ANKHD1: variants seen among roughly 807,000 people sequenced by gnomAD.
ANKHD1 encodes the protein ankyrin repeat and KH domain-containing protein 1.
In ANKHD1, 31 loss-of-function variants were observed where a neutral mutation model predicts 230.5. The ratio of observed to expected loss-of-function variants is 0.13; its 90% confidence interval spans 0.10 to 0.18. The LOEUF (loss-of-function observed/expected upper bound fraction) is 0.18. Ranked by LOEUF, ANKHD1 falls within the 10% of genes least tolerant of loss-of-function variation. The pLI, the probability that ANKHD1 is intolerant of heterozygous loss-of-function variation, is 1.00. For synonymous variants in ANKHD1, 1,074 were observed against 1,117.6 expected (o/e 0.96, Z 0.78); for missense variants, 2,256 against 3,071.3 (o/e 0.73, Z 6.27).
Position 140,506,840 on chromosome 5 carries a change from A to G in ANKHD1, c.3414A>G (p.Val1138=). The change falls in exon 19 of 34, where the codon GTA becomes GTG. Residue 1138 remains valine (V), a synonymous_variant. Coordinates refer to ENST00000360839, the MANE Select transcript of ANKHD1 (RefSeq NM_017747.3). The surrounding 1 kb of genome is among the most constrained non-coding windows in gnomAD (Gnocchi z 4.7). ...LACSGGRQEV[V]DLLLARGANK... Reference sequence around the variant, plus strand: ...ATCCATATTTTACTTTGTAGGTGGTAGACTTGCTGCTGGCTCGAGGTGCAA... The same window carrying G: ...ATCCATATTTTACTTTGTAGGTGGTGGACTTGCTGCTGGCTCGAGGTGCAA... 2 of 1,614,080 alleles carry G rather than the reference A, an allele frequency of 1.2e-6. No homozygotes were observed. The highest frequency in any genetic ancestry group is 1.7e-6 in the Non-Finnish European group (2 of 1,179,996).
intron 7 of ANKHD1, among the ~76,000 whole-genome samples, chr5:140,456,163 G>A (rs62385230): frequency 6.6e-6 from 1 of 152,044 alleles, no homozygotes; most frequent in Admixed American, 6.6e-5. Flanking sequence ...GGGATGTAAA[G>A]GACCTCTTCA....
intron 10 of ANKHD1, among the ~76,000 whole-genome samples, chr5:140,479,467 G>C (rs1751147698): frequency 6.6e-6 from 1 of 152,038 alleles, no homozygotes; most frequent in African/African-American, 2.4e-5. Context: ...TGAACAAATA[G>C]TGGCTATATG....
At chr5:140,465,913 AGTC>A (rs1157911303) in intron 10 of ANKHD1, among the ~76,000 whole-genome samples, 1 of 152,090 alleles carries the variant, frequency 6.6e-6, no homozygotes, top group Non-Finnish European at 1.5e-5. Context: ...AGTTGCTTTG[AGTC>A]GTCTATAAAA....
intron 5 of ANKHD1, 85 bp from the exon 6 acceptor site, chr5:140,445,657 A>T: frequency 4.1e-6 from 5 of 1,209,260 alleles, no homozygotes; most frequent in Non-Finnish European, 4.3e-6. Context: ...TCATGATTGT[A>T]TATTTCTTTT....
chr5:140,416,685 A>G (rs775441134), intron 1 of ANKHD1, among the ~76,000 whole-genome samples: 1 of 151,958 alleles, frequency 6.6e-6, no homozygotes, highest in Non-Finnish European at 1.5e-5. Context: ...AGGTCTTACT[A>G]TGTTGTCCAG....
At position 140,497,133 on chromosome 5, in the gene ANKHD1, A is replaced by G; in HGVS notation, c.2859A>G (p.Lys953=). The G allele has an allele frequency of 6.2e-7, 1 of 1,614,166 alleles. No homozygotes were observed. The highest frequency in any genetic ancestry group is 8.5e-7 in the Non-Finnish European group (1 of 1,180,038). Residue 953 remains lysine, a synonymous_variant, in exon 15 of 34, where the codon AAA becomes AAG. Coordinates refer to ENST00000360839, the MANE Select transcript of ANKHD1 (RefSeq NM_017747.3). ...GGACAAATTCTCTTGAACTTCAGAAAGTATCAGGTAATCAGCAGATTGTAG... is the reference window on the plus strand; with the variant it reads ...GGACAAATTCTCTTGAACTTCAGAAGGTATCAGGTAATCAGCAGATTGTAG... ...SNGTNSLELQ[K]VSGNQQIVGQ...
intron 1 of ANKHD1, among the ~76,000 whole-genome samples, chr5:140,427,564 C>T (rs1313109037): frequency 7.0e-6 from 1 of 143,742 alleles, no homozygotes; most frequent in Non-Finnish European, 1.5e-5. Context: ...CCCCCCACCT[C>T]CCTTGCGGAC....
rs1196465769 is a variant in ANKHD1 at position 140,487,037 on chromosome 5, C to T, written c.2222C>T (p.Pro741Leu). The stretch of plus-strand genomic sequence containing the variant: ...GACAGAACTTCACAGGAGAACTCTC[C>T]TGCCCTTTTAGGAGTGCAAAAAGGT... ...EPDRTSQENSPALLGVQKGTS... is the reference protein window; with the variant it reads ...EPDRTSQENSLALLGVQKGTS... Residue 741 changes from proline (P) to leucine (L), a missense_variant, in exon 14 of 34, where the codon CCT becomes CTT. Physicochemically the swap from Pro to Leu is moderately conservative, Grantham distance 98. Transcript: ENST00000360839. 2 of 1,613,240 alleles carry T rather than the reference C, an allele frequency of 1.2e-6. No individual in the cohort carries two copies. Among genetic ancestry groups the T allele is most frequent in the East Asian group, 2.2e-5 (1 of 44,838 alleles).
At position 140,474,316 on chromosome 5, in the gene ANKHD1, C is replaced by T. The variant is rs959888295; in HGVS notation, c.1783-8264C>T. On this transcript the variant is annotated intron_variant, in intron 10 of 33. Coordinates refer to ENST00000360839, the MANE Select transcript of ANKHD1 (RefSeq NM_017747.3). ...GGAAGAGTATTGGAATCCTCTAGTA[C>T]GTACAGTATCAAACAGTCTCCCTCC... Among the ~76,000 whole-genome samples, 4 of 152,028 alleles carry T rather than the reference C, an allele frequency of 2.6e-5. No homozygotes were observed. In the South Asian group the frequency reaches 6.2e-4, roughly 24 times the overall value.
At chr5:140,537,975 T>C in intron 31 of ANKHD1, 111 bp from the exon 32 acceptor site, 1 of 1,455,352 alleles carries the variant, frequency 6.9e-7, no homozygotes, top group Admixed American at 2.7e-5. Flanking sequence ...CTTTGAGCTC[T>C]TCAGAGGAAA....
intron 10 of ANKHD1, among the ~76,000 whole-genome samples, chr5:140,469,905 T>C (rs1451267179): frequency 6.6e-6 from 1 of 151,994 alleles, no homozygotes; most frequent in Non-Finnish European, 1.5e-5. Flanking sequence ...GATTCCTGAA[T>C]TCCTCAACTT....
rs1040952157 is a variant in ANKHD1, at chr5:140,513,733, C to G, written c.4317+254C>G. Among the ~76,000 whole-genome samples the G allele has an allele frequency of 4.0e-5, 6 of 150,884 alleles. No individual in the cohort carries two copies. In the East Asian group the frequency reaches 9.8e-4, roughly 25 times the overall value. On this transcript the variant is annotated intron_variant, in intron 24 of 33. Transcript: ENST00000360839. ...CTGAGGCAGGAGAATTGCTTGAGCC[C>G]GGGAGGCAGAGGTTGCAGTGAGTCG... is the stretch of plus-strand genomic sequence containing the variant.
intron 24 of ANKHD1, among the ~76,000 whole-genome samples, chr5:140,523,108 C>CT (rs374008554): frequency 0.015 from 1,395 of 93,496 alleles, 36 homozygotes; most frequent in African/African-American, 0.041. Flanking sequence ...TTTCTTTTTC[C>CT]TTTTTTTTTT....
intron 22 of ANKHD1, among the ~76,000 whole-genome samples, chr5:140,512,172 G>T (rs1752799869): frequency 6.6e-6 from 1 of 151,166 alleles, no homozygotes; most frequent in Non-Finnish European, 1.5e-5. Flanking sequence ...GGAGGCGGAG[G>T]TTGCAGTGAG....
intron 10 of ANKHD1, among the ~76,000 whole-genome samples, chr5:140,474,813 G>C (rs1750876718): frequency 6.6e-6 from 1 of 151,650 alleles, no homozygotes; most frequent in Non-Finnish European, 1.5e-5. Context: ...GCCCAGACTT[G>C]TAGTGTATTT....
intron 7 of ANKHD1, among the ~76,000 whole-genome samples, chr5:140,454,850 A>C (rs1351737481): frequency 6.6e-6 from 1 of 152,186 alleles, no homozygotes; most frequent in Non-Finnish European, 1.5e-5. Flanking sequence ...GAAGGCAAGA[A>C]ATAACTAAGA....
At chr5:140,466,914 A>G (rs1776134464) in intron 10 of ANKHD1, among the ~76,000 whole-genome samples, 1 of 152,096 alleles carries the variant, frequency 6.6e-6, no homozygotes, top group African/African-American at 2.4e-5. Context: ...AGCCTGGGCA[A>G]CAAGAGTGAA....
chr5:140,476,674 T>C (rs1173776599), intron 10 of ANKHD1, among the ~76,000 whole-genome samples: 2 of 152,064 alleles, frequency 1.3e-5, no homozygotes, highest in Non-Finnish European at 2.9e-5. Context: ...ATTAGACCCT[T>C]GACAAAAGAA....
chr5:140,428,907 C>T (rs1055305002), intron 1 of ANKHD1, among the ~76,000 whole-genome samples: 3 of 151,678 alleles, frequency 2.0e-5, no homozygotes, highest in South Asian at 2.1e-4. Context: ...GTCAGCCTCC[C>T]GAGTAGCTGT....
Sources: allele counts gnomAD v4.1 joint callset (sites outside exome capture counted in the v4.1 genomes callset), GRCh38; gene constraint gnomAD v4.1.1; non-coding constraint Gnocchi (gnomAD v3.1); transcripts MANE v1.5; gene names NCBI Gene and HGNC (gene_info 2026-07-23, HGNC 2026-07-21).